Variants in MYT1 observed in about 807,000 individuals in gnomAD.
The protein encoded by MYT1 is myelin transcription factor 1.
Under a neutral mutation model 123.0 loss-of-function variants are expected in MYT1, and 23 were observed. That is an observed-to-expected ratio of 0.19 (90% CI 0.13 to 0.26). The LOEUF (loss-of-function observed/expected upper bound fraction) is 0.26. MYT1 is among the 10% of genes least tolerant of loss of function. The pLI is 1.00. For synonymous variants in MYT1, 518 were observed against 575.3 expected (o/e 0.90, Z 1.43); for missense variants, 1,125 against 1,472.5 (o/e 0.76, Z 3.86).
intron 4 of MYT1, among the ~76,000 whole-genome samples, chr20:64,204,438 C>T (rs1415303427): frequency 6.6e-6 from 1 of 152,186 alleles, no homozygotes; most frequent in Non-Finnish European, 1.5e-5. Context: ...CACGGGCCCT[C>T]CCGGCTTCTT....
At chr20:64,209,498 C>G (rs750799) in intron 7 of MYT1, among the ~76,000 whole-genome samples, 66,472 of 152,174 alleles carry the variant, frequency 0.44, 17,681 homozygotes, top group African/African-American at 0.75. Context: ...AGTCCTGCAT[C>G]TCTTCTCCAG....
intron 17 of MYT1, 30 bp downstream of exon 17, chr20:64,227,507 C>T: frequency 6.2e-7 from 1 of 1,602,234 alleles, no homozygotes; most frequent in South Asian, 1.1e-5. Flanking sequence ...AGGTCCTGGG[C>T]CCCAGGGGTG....
Position 64,208,030 on chromosome 20 carries a change from A to C in MYT1, c.834A>C (p.Glu278Asp). The C allele has an allele frequency of 5.0e-6, 8 of 1,591,528 alleles. No homozygotes were observed. Among genetic ancestry groups the C allele is most frequent in the Non-Finnish European group, 6.9e-6 (8 of 1,167,600 alleles). Residue 278 changes from glutamate (E) to aspartate (D), a missense_variant, in exon 7 of 23, where the codon GAA becomes GAC. Glu to Asp is a conservative substitution (Grantham distance 45). Coordinates refer to ENST00000328439, the MANE Select transcript of MYT1 (RefSeq NM_004535.3). The surrounding 1 kb of genome is among the most constrained non-coding windows in gnomAD (Gnocchi z 5.4). ...AGGAGGAGGAGGATGAAGAAGAGGA[A>C]GAGGAAGAGGAGGAGGAAGAGGAAG... ...EEEEEEDEEEEEEEEEEEEEE... is the reference protein window; with the variant it reads ...EEEEEEDEEEDEEEEEEEEEE...
intron 1 of MYT1, among the ~76,000 whole-genome samples, chr20:64,165,342 C>T (rs1348501858): frequency 6.6e-6 from 1 of 152,190 alleles, no homozygotes; most frequent in Non-Finnish European, 1.5e-5. Context: ...CCGCTCCTCT[C>T]AGCCCCTTTT....
rs1448780709 is a variant in MYT1, at chr20:64,223,120, C to A, written c.2406C>A (p.Thr802=). 6.2e-7 allele frequency: 1 copy of A among 1,614,102 alleles called. No individual in the cohort carries two copies. The highest frequency in any genetic ancestry group is 1.7e-5 in the Admixed American group (1 of 60,014). The part of the protein sequence containing the change: ...DIKKELLTCP[T]PGCDGSGHIT... Reference sequence around the variant, plus strand: ...TTTTTCCTTTGTCCAGCTGTCCCACCCCTGGCTGTGACGGCAGCGGCCACA... The same window carrying A: ...TTTTTCCTTTGTCCAGCTGTCCCACACCTGGCTGTGACGGCAGCGGCCACA... Residue 802 remains threonine (T), a synonymous_variant, in exon 15 of 23, where the codon ACC becomes ACA. Transcript: ENST00000328439.
intron 3 of MYT1, 90 bp from the exon 4 acceptor site, chr20:64,199,802 C>CCTT: frequency 2.1e-6 from 3 of 1,462,368 alleles, no homozygotes; most frequent in Non-Finnish European, 2.9e-6. Flanking sequence ...GCAAACCTCT[C>CCTT]GGCTGTTTAA....
intron 19 of MYT1, among the ~76,000 whole-genome samples, chr20:64,234,013 C>G (rs182958314): frequency 6.6e-6 from 1 of 152,326 alleles, no homozygotes; most frequent in African/African-American, 2.4e-5. Flanking sequence ...GCATGGGCAG[C>G]TGGCATGGAC....
At chr20:64,211,071 C>G in intron 7 of MYT1, 135 bp from the exon 8 acceptor site, 1 of 959,982 alleles carries the variant, frequency 1.0e-6, no homozygotes, top group Non-Finnish European at 1.5e-6. Flanking sequence ...AGCCCCAGTC[C>G]CTGTTCAAGC....
At position 64,205,748 on chromosome 20, in the gene MYT1, C is replaced by T. The variant is rs544950207; in HGVS notation, c.345C>T (p.Ala115=). ...AATCGGAAGGAACTCTGGAGGGGGC[C>T]GAGGCTGAGACGTCAGGACAGGACG... ...SDESEGTLEG[A]EAETSGQDEI... is the part of the protein sequence containing the mutation. Residue 115 remains alanine, a synonymous_variant, in exon 6 of 23, where the codon GCC becomes GCT. Transcript: ENST00000328439. The T allele has an allele frequency of 5.3e-5, 86 of 1,613,978 alleles. No individual in the cohort carries two copies. Among genetic ancestry groups the T allele is most frequent in the Non-Finnish European group, 6.4e-5 (76 of 1,180,038 alleles).
rs1352211346 is a variant in MYT1, at chr20:64,186,073, A to AG, written c.-98-3986dup. On this transcript the variant is annotated intron_variant, in intron 1 of 22. Coordinates refer to ENST00000328439, the MANE Select transcript of MYT1 (RefSeq NM_004535.3). The surrounding 1 kb of genome is among the most constrained non-coding windows in gnomAD (Gnocchi z 4.3). The stretch of plus-strand genomic sequence containing the variant: ...CCTGTGTTGGAGTCTCTGGCCAGTG[A>AG]GGGGTGGTTCCCTCTCCTCTGGACC... Among the ~76,000 whole-genome samples, 1 of 152,180 alleles carries AG rather than the reference A, an allele frequency of 6.6e-6. No individual in the cohort carries two copies. Among genetic ancestry groups the AG allele is most frequent in the Non-Finnish European group, 1.5e-5 (1 of 68,024 alleles).
Position 64,192,123 on chromosome 20 carries a change from A to G in MYT1, c.-1+1963A>G, listed in dbSNP as rs1192586945. On this transcript the variant is annotated intron_variant, in intron 2 of 22. Coordinates refer to ENST00000328439, the MANE Select transcript of MYT1 (RefSeq NM_004535.3). The surrounding 1 kb of genome is among the most constrained non-coding windows in gnomAD (Gnocchi z 5.3). ...AGTTTGGGACCTACCATGACAACCC[A>G]TGGCTGTTCAAAGTGCTGCTTCTGT... Among the ~76,000 whole-genome samples, 1 of 152,126 alleles carries G rather than the reference A, an allele frequency of 6.6e-6. No individual in the cohort carries two copies. The highest frequency in any genetic ancestry group is 2.4e-5 in the African/African-American group (1 of 41,430).
intron 6 of MYT1, among the ~76,000 whole-genome samples, chr20:64,206,062 G>A (rs1306475479): frequency 1.3e-5 from 2 of 152,160 alleles, no homozygotes; most frequent in Admixed American, 6.5e-5. Context: ...TGGTGTGTGT[G>A]TGTGCAGTTG....
At position 64,190,551 on chromosome 20, in the gene MYT1, G is replaced by A. The variant is rs1327008647; in HGVS notation, c.-1+391G>A. Among the ~76,000 whole-genome samples, 1 of 148,248 alleles carries A rather than the reference G, an allele frequency of 6.7e-6. No individual in the cohort carries two copies. Among genetic ancestry groups the A allele is most frequent in the Admixed American group, 6.8e-5 (1 of 14,720 alleles). ...TAGCCGGGCATGGTGGCATGCGCCT[G>A]TAATCCCAGCTATTTGGGGGAGGAT... On this transcript the variant is annotated intron_variant, in intron 2 of 22. Transcript: ENST00000328439. The surrounding 1 kb of genome is among the most constrained non-coding windows in gnomAD (Gnocchi z 4.1).
Position 64,185,253 on chromosome 20 carries a change from G to A in MYT1, c.-98-4810G>A, listed in dbSNP as rs937242888. Among the ~76,000 whole-genome samples, 1 of 152,152 alleles carries A rather than the reference G, an allele frequency of 6.6e-6. No individual in the cohort carries two copies. The highest frequency in any genetic ancestry group is 2.4e-5 in the African/African-American group (1 of 41,432). On this transcript the variant is annotated intron_variant, in intron 1 of 22. Transcript: ENST00000328439. This position sits in a 1 kb window ranked among gnomAD's most constrained non-coding sequence, Gnocchi z 4.5. ...TTTCATTGACAGTGGGAAGGAGGTG[G>A]GTATAAAGTCCAGATGGACAAGCTG...
rs1983910015 is a variant in MYT1 at position 64,218,777 on chromosome 20, T to G, written c.1847-134T>G. 1 of 1,089,292 alleles carries G rather than the reference T, an allele frequency of 9.2e-7. No individual in the cohort carries two copies. Among genetic ancestry groups the G allele is most frequent in the Non-Finnish European group, 1.3e-6 (1 of 741,830 alleles). 67.5% of individuals were successfully genotyped at this position (1,089,292 alleles called of 1,614,324 possible). A position where few individuals can be genotyped will look rare whatever the true frequency, so the allele number is the denominator to read the frequency against. ...CCCCCTCCCCACTGACTTGTCTGCA[T>G]TGCTGCCTCTTTTCAAGTTGTATAT... On this transcript the variant is annotated intron_variant, in intron 11 of 22. Coordinates refer to ENST00000328439, the MANE Select transcript of MYT1 (RefSeq NM_004535.3). The surrounding 1 kb of genome is among the most constrained non-coding windows in gnomAD (Gnocchi z 4.0).
chr20:64,194,969 C>T (rs1983065820), intron 2 of MYT1, among the ~76,000 whole-genome samples: 1 of 152,112 alleles, frequency 6.6e-6, no homozygotes. Flanking sequence ...GTTCTCAGCT[C>T]ACCTCAACCT....
Position 64,191,212 on chromosome 20 carries a change from G to T in MYT1, c.-1+1052G>T, listed in dbSNP as rs1484756156. Among the ~76,000 whole-genome samples the T allele has an allele frequency of 6.6e-6, 1 of 152,184 alleles. No homozygotes were observed. Among genetic ancestry groups the T allele is most frequent in the Non-Finnish European group, 1.5e-5 (1 of 68,036 alleles). The stretch of plus-strand genomic sequence containing the variant: ...TGTTTTATTTCGATCTTCCTAAGGG[G>T]AGGCAGATGGTGCAAGCCCTTCTTA... On this transcript the variant is annotated intron_variant, in intron 2 of 22. Transcript: ENST00000328439. This position sits in a 1 kb window ranked among gnomAD's most constrained non-coding sequence, Gnocchi z 4.1.
intron 1 of MYT1, among the ~76,000 whole-genome samples, chr20:64,165,829 GT>G (rs58793360): frequency 1.8e-3 from 265 of 148,414 alleles, no homozygotes; most frequent in Middle Eastern, 0.011. Flanking sequence ...TGCCCTTGCA[GT>G]TTTTTTTTTT....
In MYT1 at chr20:64,202,784, C is replaced by T. The variant is rs530576042; in HGVS notation, c.87-2251C>T. Among the ~76,000 whole-genome samples the T allele has an allele frequency of 5.9e-5, 9 of 152,300 alleles. No homozygotes were observed. The East Asian group carries it at 1.7e-3, about 29-fold the overall frequency. On this transcript the variant is annotated intron_variant, in intron 4 of 22. Transcript: ENST00000328439. This position sits in a 1 kb window ranked among gnomAD's most constrained non-coding sequence, Gnocchi z 5.0. ...GTGGGCCACACCCTCTTCCCAGCCT[C>T]ACGTGCATCCTTTCCTCACATCTCT... is the stretch of plus-strand genomic sequence containing the variant.
Sources: allele counts gnomAD v4.1 joint callset (sites outside exome capture counted in the v4.1 genomes callset), GRCh38; gene constraint gnomAD v4.1.1; non-coding constraint Gnocchi (gnomAD v3.1); transcripts MANE v1.5; gene names NCBI Gene and HGNC (gene_info 2026-07-23, HGNC 2026-07-21).